IFI27L1: variants seen among roughly 807,000 people sequenced by gnomAD.
The protein encoded by IFI27L1 is interferon alpha-inducible protein 27-like protein 1.
IFI27L1 carries 3 observed loss-of-function variants against 9.2 expected under a neutral mutation model. That is an observed-to-expected ratio of 0.32 (90% CI 0.15 to 0.84). The LOEUF (loss-of-function observed/expected upper bound fraction) is 0.84, where lower values mean the gene tolerates loss of function less well. Among genes scored for constraint, IFI27L1 ranks in the 40% least tolerant of loss-of-function variants. The probability of loss-of-function intolerance (pLI) is 0.56; values close to 1 mark genes in which losing one functional copy is unlikely to be tolerated. For synonymous variants in IFI27L1, 53 were observed against 50.0 expected (o/e 1.06, Z -0.26); for missense variants, 133 against 134.2 (o/e 0.99, Z 0.05).
chr14:94,094,737 A>T (rs1355631045), intron 1 of IFI27L1: 2 of 152,086 alleles, frequency 1.3e-5, no homozygotes, highest in Non-Finnish European at 2.9e-5. Context: ...TTCACTCTGG[A>T]TTTGGCTTGA....
intron 1 of IFI27L1, 169 bp from the exon 2 acceptor site, chr14:94,096,718 T>C (rs56294923): frequency 0.27 from 112,388 of 422,286 alleles, 17,226 homozygotes; most frequent in East Asian, 0.51. Context: ...AAAAAGGCTA[T>C]GCTTTAAATA....
chr14:94,097,840 GCACTTGGGT>G (rs1886731008), intron 2 of IFI27L1, among the ~76,000 whole-genome samples: 1 of 152,184 alleles, frequency 6.6e-6, no homozygotes, highest in African/African-American at 2.4e-5. Flanking sequence ...AAATGGGAGT[GCACTTGGGT>G]CACTTCATGT....
intron 1 of IFI27L1, among the ~76,000 whole-genome samples, chr14:94,082,966 A>G (rs1886160691): frequency 6.6e-6 from 1 of 152,268 alleles, no homozygotes; most frequent in African/African-American, 2.4e-5. Flanking sequence ...TATGGCTGCC[A>G]TAGAGAGTTA....
At chr14:94,099,105 AGAGGGAGACTTTGATGATGCAGAAGC>A (rs1886789432) in intron 2 of IFI27L1, among the ~76,000 whole-genome samples, 1 of 152,190 alleles carries the variant, frequency 6.6e-6, no homozygotes, top group Admixed American at 6.5e-5. Context: ...AATCCCAGAG[AGAGGGAGACTTTGATGATGCAGAAGC>A]GAGGGAGGCA....
At chr14:94,102,045 C>G in intron 4 of IFI27L1, 70 bp downstream of exon 4, 1 of 1,507,246 alleles carries the variant, frequency 6.6e-7, no homozygotes, top group Non-Finnish European at 9.2e-7. Context: ...AGGGAGGCCT[C>G]TCCTCTCCCT....
intron 1 of IFI27L1, among the ~76,000 whole-genome samples, chr14:94,092,946 C>T (rs997442176): frequency 1.3e-5 from 2 of 152,186 alleles, no homozygotes; most frequent in African/African-American, 2.4e-5. Context: ...ATTCTCCTGC[C>T]CCTGCCTCCC....
At chr14:94,102,085 C>A in intron 4 of IFI27L1, 110 bp downstream of exon 4, 1 of 1,182,868 alleles carries the variant, frequency 8.5e-7, no homozygotes, top group Non-Finnish European at 1.2e-6. Flanking sequence ...CCTCTTGGGC[C>A]CTTTGTCTTT....
chr14:94,101,422 C>T, intron 3 of IFI27L1: 1 of 263,512 alleles, frequency 3.8e-6, no homozygotes, highest in South Asian at 6.7e-5. Context: ...CCTCCATCCC[C>T]TCACCTCTCC....
rs528208660 is a variant in IFI27L1 at position 94,087,587 on chromosome 14, C to T, written c.-52+6138C>T. Among the ~76,000 whole-genome samples the T allele has an allele frequency of 2.0e-5, 3 of 152,272 alleles. No homozygotes were observed. The South Asian group carries it at 6.2e-4, about 32-fold the overall frequency. On this transcript the variant is annotated intron_variant, in intron 1 of 4. Coordinates refer to ENST00000555523, the MANE Select transcript of IFI27L1 (RefSeq NM_206949.3). ...GATTACAGGCACTCGCCACCACACCCAGCTAATTTTTTCTATTTTTAGTAG... is the reference window on the plus strand; with the variant it reads ...GATTACAGGCACTCGCCACCACACCTAGCTAATTTTTTCTATTTTTAGTAG...
At chr14:94,090,996 T>C (rs1374424591) in intron 1 of IFI27L1, among the ~76,000 whole-genome samples, 1 of 152,228 alleles carries the variant, frequency 6.6e-6, no homozygotes, top group Non-Finnish European at 1.5e-5. Context: ...TTTTTTTGGC[T>C]CTGTAAAAGA....
intron 3 of IFI27L1, chr14:94,101,280 A>C (rs986344083): frequency 8.5e-6 from 2 of 234,580 alleles, no homozygotes; most frequent in Non-Finnish European, 1.7e-5. Context: ...TCAAGTGCTA[A>C]ACGTGGCTAC....
At chr14:94,102,042 C>CTATATGGCTATATAGCTCGTAGGA in intron 4 of IFI27L1, 67 bp downstream of exon 4, 1 of 1,519,738 alleles carries the variant, frequency 6.6e-7, no homozygotes, top group Non-Finnish European at 9.1e-7. Context: ...ACCAGGGAGG[C>CTATATGGCTATATAGCTCGTAGGA]CTCTCCTCTC....
At chr14:94,090,854 C>T (rs2144309) in intron 1 of IFI27L1, among the ~76,000 whole-genome samples, 44,059 of 151,932 alleles carry the variant, frequency 0.29, 6,713 homozygotes, top group East Asian at 0.5. Context: ...AACTATATTG[C>T]CATAAATTAA....
At chr14:94,097,339 G>A (rs1170390749) in intron 2 of IFI27L1, among the ~76,000 whole-genome samples, 2 of 152,252 alleles carry the variant, frequency 1.3e-5, no homozygotes, top group African/African-American at 2.4e-5. Context: ...GAAGGCTGCA[G>A]TGGCCTTTCT....
intron 2 of IFI27L1, among the ~76,000 whole-genome samples, chr14:94,099,330 C>T (rs772954053): frequency 2.0e-5 from 3 of 152,106 alleles, no homozygotes; most frequent in Admixed American, 6.5e-5. Context: ...CAGGGGGACG[C>T]TGTCTTCTGG....
chr14:94,098,278 C>T (rs887313137), intron 2 of IFI27L1, among the ~76,000 whole-genome samples: 6 of 152,190 alleles, frequency 3.9e-5, no homozygotes, highest in African/African-American at 1.4e-4. Flanking sequence ...TGTTCCATGC[C>T]ACTCCCTAGT....
chr14:94,083,356 A>T (rs1886174737), intron 1 of IFI27L1, among the ~76,000 whole-genome samples: 1 of 152,254 alleles, frequency 6.6e-6, no homozygotes, highest in African/African-American at 2.4e-5. Context: ...TGTTGAAATG[A>T]CAATGAAGGA....
chr14:94,090,411 C>A (rs1266928155), intron 1 of IFI27L1, among the ~76,000 whole-genome samples: 1 of 152,142 alleles, frequency 6.6e-6, no homozygotes, highest in African/African-American at 2.4e-5. Context: ...GTTTATTATA[C>A]CTGGCCTGAT....
At chr14:94,087,357 AC>A (rs1260862448) in intron 1 of IFI27L1, among the ~76,000 whole-genome samples, 12 of 150,286 alleles carry the variant, frequency 8.0e-5, no homozygotes, top group Non-Finnish European at 1.5e-4. Context: ...AAGCGTGAAA[AC>A]CCTCTCTTCA....
Sources: gnomAD v4.1 joint callset for allele counts (sites outside exome capture counted in the v4.1 genomes callset) on GRCh38, gnomAD v4.1.1 for gene constraint, MANE v1.5 for transcripts, NCBI Gene and HGNC (gene_info 2026-07-23, HGNC 2026-07-21) for gene names.